NPAS3: variants seen among roughly 807,000 people sequenced by gnomAD.
NPAS3 encodes neuronal PAS domain-containing protein 3.
In NPAS3, 14 loss-of-function variants were observed where a neutral mutation model predicts 73.1. The observed-to-expected ratio is 0.19, with a 90% CI of 0.13 to 0.30. The LOEUF (loss-of-function observed/expected upper bound fraction) is 0.30. NPAS3 is among the 10% of genes least tolerant of loss of function. NPAS3 has a pLI of 1.00. For missense variants in NPAS3, 1,096 were observed against 1,250.0 expected (o/e 0.88, Z 1.86); for synonymous variants, 620 against 541.5 (o/e 1.14, Z -2.01).
At chr14:33,698,881 T>C (rs1187870582) in intron 6 of NPAS3, among the ~76,000 whole-genome samples, 3 of 152,180 alleles carry the variant, frequency 2.0e-5, no homozygotes, top group Non-Finnish European at 2.9e-5. Context: ...TTTAAAAGAA[T>C]GCTGAGGATG....
At chr14:33,245,496 G>C (rs1347946637) in intron 3 of NPAS3, among the ~76,000 whole-genome samples, 1 of 152,078 alleles carries the variant, frequency 6.6e-6, no homozygotes, top group Non-Finnish European at 1.5e-5. Flanking sequence ...TCTGAAATAG[G>C]GGGTATCTGT....
At chr14:33,404,557 C>A (rs961470869) in intron 4 of NPAS3, among the ~76,000 whole-genome samples, 2 of 151,948 alleles carry the variant, frequency 1.3e-5, no homozygotes, top group South Asian at 4.1e-4. Context: ...AAGTATTTAT[C>A]TATTCTTAAC....
chr14:33,430,068 A>G (rs1433613082), intron 4 of NPAS3, among the ~76,000 whole-genome samples: 2 of 152,156 alleles, frequency 1.3e-5, no homozygotes, highest in Non-Finnish European at 2.9e-5. Flanking sequence ...CTAGAAAATC[A>G]AAGCGTAATC....
intron 6 of NPAS3, among the ~76,000 whole-genome samples, chr14:33,712,837 C>T (rs146162136): frequency 4.0e-4 from 61 of 152,066 alleles, no homozygotes; most frequent in African/African-American, 8.7e-4. Flanking sequence ...GCACATGGGA[C>T]GGGAAGGAGA....
chr14:33,517,342 G>A (rs887977018), intron 4 of NPAS3, among the ~76,000 whole-genome samples: 5 of 151,964 alleles, frequency 3.3e-5, no homozygotes, highest in Admixed American at 1.3e-4. Flanking sequence ...AAAAACTGTC[G>A]AAATGTCATG....
chr14:33,431,751 CTTT>C (rs988119689), intron 4 of NPAS3, among the ~76,000 whole-genome samples: 3 of 151,918 alleles, frequency 2.0e-5, no homozygotes, highest in Admixed American at 6.6e-5. Flanking sequence ...TTTGATGATT[CTTT>C]TTTTATATTT....
chr14:33,448,795 G>T (rs114836494), intron 4 of NPAS3, among the ~76,000 whole-genome samples: 1 of 152,106 alleles, frequency 6.6e-6, no homozygotes, highest in Admixed American at 6.5e-5. Flanking sequence ...CCAAATGTCC[G>T]TACAGATGTG....
chr14:33,777,230 T>A (rs190248300), intron 8 of NPAS3, among the ~76,000 whole-genome samples: 2 of 152,150 alleles, frequency 1.3e-5, no homozygotes, highest in Non-Finnish European at 2.9e-5. Context: ...GCTTGGAAGA[T>A]AGCTAATGGT....
chr14:33,402,921 T>C (rs2047507357), intron 4 of NPAS3, among the ~76,000 whole-genome samples: 1 of 152,114 alleles, frequency 6.6e-6, no homozygotes, highest in African/African-American at 2.4e-5. Context: ...GCAGATAATA[T>C]GTGGGAGAGA....
chr14:33,183,400 TG>T (rs1340630722), intron 2 of NPAS3, among the ~76,000 whole-genome samples: 1 of 136,136 alleles, frequency 7.3e-6, no homozygotes, highest in African/African-American at 2.7e-5. Context: ...CACTCCAGCC[TG>T]GGCGACAGAG....
intron 3 of NPAS3, among the ~76,000 whole-genome samples, chr14:33,351,405 A>T (rs1483932848): frequency 6.6e-6 from 1 of 152,200 alleles, no homozygotes; most frequent in Admixed American, 6.5e-5. Flanking sequence ...AAAATGGAAG[A>T]TAACCTTTAG....
intron 7 of NPAS3, among the ~76,000 whole-genome samples, chr14:33,769,768 T>C (rs1163856084): frequency 1.5e-5 from 2 of 134,750 alleles, no homozygotes; most frequent in Non-Finnish European, 3.2e-5. Context: ...TTTTTTTTTT[T>C]TTTTTTTTTT....
At chr14:33,136,058 CTTTTT>C (rs34308954) in intron 2 of NPAS3, among the ~76,000 whole-genome samples, 1 of 115,412 alleles carries the variant, frequency 8.7e-6, no homozygotes, top group Non-Finnish European at 1.8e-5. Context: ...TACCTTTTTT[CTTTTT>C]TTTTTTTTTT....
At chr14:33,037,019 T>C (rs1380321167) in intron 1 of NPAS3, among the ~76,000 whole-genome samples, 2 of 152,172 alleles carry the variant, frequency 1.3e-5, no homozygotes, top group South Asian at 2.1e-4. Context: ...AGATTTTTGT[T>C]TGGAAATTGA....
intron 4 of NPAS3, among the ~76,000 whole-genome samples, chr14:33,428,773 A>G (rs1274427015): frequency 1.3e-5 from 2 of 152,120 alleles, no homozygotes; most frequent in African/African-American, 4.8e-5. Context: ...CTTGAGTACT[A>G]TGATTGTCAT....
chr14:33,754,708 A>C (rs1002713642), intron 7 of NPAS3, among the ~76,000 whole-genome samples: 1 of 152,152 alleles, frequency 6.6e-6, no homozygotes, highest in African/African-American at 2.4e-5. Flanking sequence ...CCAAGAACAA[A>C]TACCACAAAA....
chr14:33,091,394 A>C (rs1477549926), intron 2 of NPAS3, among the ~76,000 whole-genome samples: 1 of 152,250 alleles, frequency 6.6e-6, no homozygotes, highest in Non-Finnish European at 1.5e-5. Flanking sequence ...ACTTAGAAGA[A>C]ATGGATAAAT....
chr14:33,078,172 A>C (rs1393287241), intron 2 of NPAS3, among the ~76,000 whole-genome samples: 4 of 152,052 alleles, frequency 2.6e-5, no homozygotes, highest in Admixed American at 2.0e-4. Context: ...CATAAAAATA[A>C]AAAAAAGAAA....
intron 1 of NPAS3, among the ~76,000 whole-genome samples, chr14:32,988,168 A>G (rs771194934): frequency 5.9e-5 from 9 of 152,198 alleles, no homozygotes; most frequent in Admixed American, 2.6e-4. Context: ...TAAGAATCAT[A>G]ATGTCTGAGT....
Sources: allele counts gnomAD v4.1 joint callset (sites outside exome capture counted in the v4.1 genomes callset), GRCh38; gene constraint gnomAD v4.1.1; transcripts MANE v1.5; gene names NCBI Gene and HGNC (gene_info 2026-07-23, HGNC 2026-07-21).